OVCH1: variants seen among roughly 807,000 people sequenced by gnomAD.
OVCH1 encodes the protein ovochymase-1.
A neutral mutation model predicts 138.4 loss-of-function variants in OVCH1; 139 were observed. The observed-to-expected ratio is 1.00, with a 90% confidence interval of 0.87 to 1.16. OVCH1 has a LOEUF of 1.16. OVCH1 is among the 50% of genes most tolerant of loss of function. The probability of loss-of-function intolerance (pLI) is 0.00; values close to 1 mark genes in which losing one functional copy is unlikely to be tolerated. For missense variants in OVCH1, 1,367 were observed against 1,357.9 expected, an observed-to-expected ratio of 1.01 and a Z score of -0.11; for synonymous variants, 453 against 467.8, an observed-to-expected ratio of 0.97 and a Z score of 0.41.
In OVCH1 at chr12:29,451,923, A is replaced by G. The variant is rs1275349914; in HGVS notation, c.2531-354T>C. On this transcript the variant is annotated intron_variant, in intron 21 of 27. Transcript: ENST00000318184. Reference sequence around the variant, plus strand: ...CTGTTCCTCAAAGCTTCACTAAATTAGCTGAACTTGCTGGGACAAATGATT... The same window carrying G: ...CTGTTCCTCAAAGCTTCACTAAATTGGCTGAACTTGCTGGGACAAATGATT... 3.9e-5 allele frequency among the ~76,000 whole-genome samples: 6 copies of G among 152,298 alleles called. No individual in the cohort carries two copies. The East Asian group carries it at 9.6e-4, about 24-fold the overall frequency.
exon 20 of OVCH1, chr12:29,455,249 C>T: frequency 6.2e-7 from 1 of 1,611,184 alleles, no homozygotes; most frequent in Admixed American, 1.7e-5. Context: ...AACAATTTAC[C>T]ATTGATTTTT....
chr12:29,457,506 C>A (rs11050238), intron 19 of OVCH1, among the ~76,000 whole-genome samples: 8 of 131,286 alleles, frequency 6.1e-5, no homozygotes, highest in African/African-American at 2.3e-4. Context: ...TGGTTTCAAG[C>A]GATTTTCCTG....
At chr12:29,450,651 C>T (rs543257585) in intron 22 of OVCH1, among the ~76,000 whole-genome samples, 10 of 152,130 alleles carry the variant, frequency 6.6e-5, no homozygotes, top group Admixed American at 2.6e-4. Context: ...TTTGACCCAG[C>T]GATCCCATTC....
rs954584535 is a variant in OVCH1 at position 29,462,327 on chromosome 12, A to G, written c.2126-319T>C. ...AAGAATTCAGGAAGAAAAATTCAGC[A>G]TGATATGAATTGGTGTCACATATAA... On this transcript the variant is annotated intron_variant, in intron 18 of 27. Coordinates refer to ENST00000318184, the Ensembl canonical transcript of OVCH1. Among the ~76,000 whole-genome samples the G allele has an allele frequency of 5.3e-5, 8 of 150,156 alleles. 1 individual carries two copies. The South Asian group carries it at 1.7e-3, about 31-fold the overall frequency.
the OVCH1 span, among the ~76,000 whole-genome samples, chr12:29,405,110 A>T: frequency 6.6e-6 from 1 of 151,468 alleles, no homozygotes; most frequent in African/African-American, 2.4e-5. Flanking sequence ...CAGCAATTAC[A>T]CATAATTCAT....
intron 19 of OVCH1, among the ~76,000 whole-genome samples, chr12:29,459,993 T>C (rs1005442617): frequency 6.6e-6 from 1 of 152,222 alleles, no homozygotes; most frequent in Non-Finnish European, 1.5e-5. Flanking sequence ...GAGACTATTT[T>C]ATCAAAGCAA....
chr12:29,481,779 C>A (rs777588613), intron 8 of OVCH1, among the ~76,000 whole-genome samples: 1 of 152,186 alleles, frequency 6.6e-6, no homozygotes, highest in African/African-American at 2.4e-5. Context: ...AAAGCCACCA[C>A]CCCAATGTTT....
At chr12:29,466,112 G>T (rs1942309480) in intron 16 of OVCH1, among the ~76,000 whole-genome samples, 1 of 121,186 alleles carries the variant, frequency 8.3e-6, no homozygotes, top group Non-Finnish European at 1.7e-5. Flanking sequence ...TGGGGGGAGG[G>T]GGGAGGGATA....
chr12:29,449,449 G>A (rs1038015746), intron 22 of OVCH1, among the ~76,000 whole-genome samples: 1 of 151,938 alleles, frequency 6.6e-6, no homozygotes, highest in East Asian at 1.9e-4. Context: ...AAATTACTTT[G>A]GGCAGTATGG....
At chr12:29,478,238 G>A (rs758553550) in intron 9 of OVCH1, among the ~76,000 whole-genome samples, 2 of 152,172 alleles carry the variant, frequency 1.3e-5, no homozygotes, top group Non-Finnish European at 2.9e-5. Flanking sequence ...ATTGTGTTAT[G>A]AGAAGGAAAT....
chr12:29,489,309 T>C (rs1180529286), intron 6 of OVCH1, among the ~76,000 whole-genome samples: 4 of 152,206 alleles, frequency 2.6e-5, no homozygotes, highest in African/African-American at 9.6e-5. Flanking sequence ...GAAGAATTCA[T>C]AGCTAGGCCT....
downstream of OVCH1, among the ~76,000 whole-genome samples, chr12:29,427,061 A>C (rs77448459): frequency 3.2e-4 from 49 of 152,286 alleles, 1 homozygote; most frequent in East Asian, 9.1e-3. Context: ...ATGACCTCCT[A>C]TTGAACTGGA....
At chr12:29,456,824 A>C (rs939229979) in intron 19 of OVCH1, among the ~76,000 whole-genome samples, 3 of 152,218 alleles carry the variant, frequency 2.0e-5, no homozygotes, top group African/African-American at 7.2e-5. Context: ...TTACGGTGAA[A>C]TTTTATAAAC....
At chr12:29,474,074 T>TACACACACACAC (rs146655743) in intron 14 of OVCH1, among the ~76,000 whole-genome samples, 3,137 of 145,208 alleles carry the variant, frequency 0.022, 37 homozygotes, top group East Asian at 0.052. Flanking sequence ...CACACACACA[T>TACACACACACAC]ACACACACAC....
chr12:29,402,171 C>A, the OVCH1 span, among the ~76,000 whole-genome samples: 1 of 152,000 alleles, frequency 6.6e-6, no homozygotes, highest in Admixed American at 6.6e-5. Flanking sequence ...ACAGGCCTGA[C>A]ATTTCATACA....
downstream of OVCH1, chr12:29,427,474 T>TAGC: frequency 6.7e-7 from 1 of 1,502,440 alleles, no homozygotes; most frequent in Non-Finnish European, 9.0e-7. Context: ...TCAGGTAAGG[T>TAGC]AGCATTTGAA....
chr12:29,433,751 A>G lies in OVCH1; in HGVS notation c.3327T>C (p.Tyr1109=). Reference sequence around the variant, plus strand: ...TGTTAGTCCCTTATGATATACTTACATAACTTAAATTTGATGCAAATTTCT... The same window carrying G: ...TGTTAGTCCCTTATGATATACTTACGTAACTTAAATTTGATGCAAATTTCT... Residue 1109 remains tyrosine (Y), a splice_region_variant and synonymous_variant, in exon 27 of 28, where the codon TAT becomes TAC. Coordinates refer to ENST00000318184, the Ensembl canonical transcript of OVCH1. 5 of 1,426,508 alleles carry G rather than the reference A, an allele frequency of 3.5e-6. No individual in the cohort carries two copies. The South Asian group carries it at 5.3e-5, about 15-fold the overall frequency. 88.4% of individuals were successfully genotyped at this position (1,426,508 alleles called of 1,614,324 possible). A position where few individuals can be genotyped will look rare whatever the true frequency, so the allele number is the denominator to read the frequency against.
chr12:29,476,294 T>C lies in OVCH1; in HGVS notation c.1383A>G (p.Thr461=), dbSNP rs1188683027. ...TAAATTTGACAGCAAAGTCCTCAAATGTCAACTGTGCAAATGGAAACATAA... is the reference window on the plus strand; with the variant it reads ...TAAATTTGACAGCAAAGTCCTCAAACGTCAACTGTGCAAATGGAAACATAA... The change falls in exon 13 of 28, where the codon ACA becomes ACG. Residue 461 remains threonine (T), a synonymous_variant. Transcript: ENST00000318184. 4.3e-6 allele frequency: 7 copies of C among 1,610,812 alleles called. No homozygotes were observed. In the South Asian group the frequency reaches 6.6e-5, roughly 15 times the overall value.
exon 26 of OVCH1, chr12:29,439,343 T>C: frequency 6.5e-7 from 1 of 1,541,382 alleles, no homozygotes; most frequent in Non-Finnish European, 8.7e-7. Context: ...AATTTTCCCA[T>C]ATATGCATGA....
Sources: gnomAD v4.1 joint callset for allele counts (sites outside exome capture counted in the v4.1 genomes callset) on GRCh38, gnomAD v4.1.1 for gene constraint, MANE v1.5 for transcripts, NCBI Gene and HGNC (gene_info 2026-07-23, HGNC 2026-07-21) for gene names.